DACH2: variants seen among roughly 807,000 people sequenced by gnomAD.
DACH2 encodes dachshund homolog 2.
In DACH2, 17 loss-of-function variants were observed where a neutral mutation model predicts 35.8. The observed-to-expected ratio is 0.48, with a 90% CI of 0.33 to 0.71. The LOEUF is 0.71. Among genes scored for constraint, DACH2 ranks in the 30% least tolerant of loss-of-function variants. The pLI, the probability that DACH2 is intolerant of heterozygous loss-of-function variation, is 0.02. For synonymous variants in DACH2, 195 were observed against 177.3 expected (o/e 1.10, Z -0.79); for missense variants, 469 against 472.7 (o/e 0.99, Z 0.07).
chrX:86,501,784 G>C (rs889686646), intron 2 of DACH2, among the ~76,000 whole-genome samples: 6 of 111,479 alleles, frequency 5.4e-5, no homozygotes, highest in African/African-American at 1.3e-4. Context: ...TCTAAATTTA[G>C]ATTGTAAAAA....
chrX:86,189,228 C>A (rs1173198407), intron 1 of DACH2, among the ~76,000 whole-genome samples: 1 of 111,547 alleles, frequency 9.0e-6, no homozygotes, highest in African/African-American at 3.3e-5. Context: ...AGTTAGTAGT[C>A]CTTAGAAAAT....
intron 1 of DACH2, among the ~76,000 whole-genome samples, chrX:86,202,461 G>A (rs2147903611): frequency 9.0e-6 from 1 of 111,502 alleles, no homozygotes; most frequent in African/African-American, 3.2e-5. Context: ...GGAAAGGAAG[G>A]GGATTCTAAG....
intron 3 of DACH2, among the ~76,000 whole-genome samples, chrX:86,554,548 G>T (rs1259691919): frequency 9.0e-6 from 1 of 111,429 alleles, no homozygotes; most frequent in Admixed American, 9.6e-5. Context: ...GATGGATTAG[G>T]ATGCAGCTGG....
At position 86,726,782 on chromosome X, in the gene DACH2, A is replaced by T. The variant is rs2041474446; in HGVS notation, c.1104+12062A>T. Reference sequence around the variant, plus strand: ...AGCCAAGATTGCTAAAGTCTGTTGCAGGAGTGTGGAGTCCTGGGAGCTTCT... The same window carrying T: ...AGCCAAGATTGCTAAAGTCTGTTGCTGGAGTGTGGAGTCCTGGGAGCTTCT... On this transcript the variant is annotated intron_variant, in intron 6 of 11. Transcript: ENST00000373125. 6.3e-5 allele frequency among the ~76,000 whole-genome samples: 7 copies of T among 111,983 alleles called. No homozygotes were observed. The Admixed American group carries it at 6.6e-4, about 11-fold the overall frequency.
chrX:86,552,305 G>T (rs1384397481), intron 3 of DACH2, among the ~76,000 whole-genome samples: 2 of 111,802 alleles, frequency 1.8e-5, no homozygotes, highest in African/African-American at 3.2e-5. Context: ...TGGAGGCATT[G>T]TTGCACCAAA....
intron 1 of DACH2, among the ~76,000 whole-genome samples, chrX:86,321,697 T>C (rs149127017): frequency 2.9e-3 from 320 of 111,812 alleles, no homozygotes; most frequent in Non-Finnish European, 4.7e-3. Flanking sequence ...TCTCTGAACT[T>C]TTCTGCTGCT....
chrX:86,236,649 T>C (rs1462197464), intron 1 of DACH2, among the ~76,000 whole-genome samples: 1 of 112,011 alleles, frequency 8.9e-6, no homozygotes, highest in Non-Finnish European at 1.9e-5. Flanking sequence ...ATGCTATTTG[T>C]GAATTTGAAC....
intron 7 of DACH2, among the ~76,000 whole-genome samples, chrX:86,759,298 T>A (rs914070215): frequency 4.5e-5 from 5 of 112,069 alleles, no homozygotes; most frequent in African/African-American, 1.6e-4. Context: ...TTCTCTGGTA[T>A]TGGTTGCATA....
intron 1 of DACH2, among the ~76,000 whole-genome samples, chrX:86,342,604 C>G (rs897019836): frequency 9.1e-6 from 1 of 109,432 alleles, no homozygotes; most frequent in East Asian, 2.9e-4. Flanking sequence ...GTAAAGAATT[C>G]GAGACCAGCT....
intron 2 of DACH2, among the ~76,000 whole-genome samples, chrX:86,415,625 C>T (rs1407179778): frequency 1.8e-5 from 2 of 111,229 alleles, no homozygotes; most frequent in Non-Finnish European, 3.8e-5. Context: ...CTTGGTACTG[C>T]AATTCAATTT....
chrX:86,442,364 T>A (rs1445869064), intron 2 of DACH2, among the ~76,000 whole-genome samples: 1 of 101,510 alleles, frequency 9.9e-6, no homozygotes, highest in Non-Finnish European at 2.0e-5. Flanking sequence ...TTTGTGTGTG[T>A]GTGTGTGTGT....
chrX:86,460,612 T>C (rs1391391532), intron 2 of DACH2, among the ~76,000 whole-genome samples: 2 of 111,066 alleles, frequency 1.8e-5, no homozygotes, highest in Non-Finnish European at 3.8e-5. Flanking sequence ...AGGTCTAAAA[T>C]TTTTAGATTA....
chrX:86,667,598 AAGAAAGAAAGAAAGAAAGGC>A, intron 4 of DACH2, among the ~76,000 whole-genome samples: 1 of 104,279 alleles, frequency 9.6e-6, no homozygotes, highest in African/African-American at 3.8e-5. Flanking sequence ...GAAAGAAAGA[AAGAAAGAAAGAAAGAAAGGC>A]AGGCAGGCCC....
chrX:86,831,993 T>A, intron 11 of DACH2, 113 bp from the exon 12 acceptor site: 1 of 461,151 alleles, frequency 2.2e-6, no homozygotes, highest in Non-Finnish European at 3.6e-6. Flanking sequence ...AACACTAAAT[T>A]GAGCCTGTTA....
intron 7 of DACH2, among the ~76,000 whole-genome samples, chrX:86,780,769 A>G (rs1259401512): frequency 2.7e-5 from 3 of 111,661 alleles, no homozygotes; most frequent in Non-Finnish European, 5.6e-5. Flanking sequence ...CTAGGTGTCC[A>G]CCAGGACTTT....
chrX:86,204,236 G>A (rs1031732438), intron 1 of DACH2, among the ~76,000 whole-genome samples: 4 of 111,789 alleles, frequency 3.6e-5, no homozygotes, highest in African/African-American at 1.3e-4. Flanking sequence ...TCAGAACCTA[G>A]AACCATGTCT....
intron 4 of DACH2, among the ~76,000 whole-genome samples, chrX:86,684,070 A>C (rs771482676): frequency 9.0e-6 from 1 of 111,357 alleles, no homozygotes; most frequent in Admixed American, 9.7e-5. Flanking sequence ...AAGTAAGATC[A>C]CTTTAACCTC....
chrX:86,698,175 TAG>T (rs2041089113), intron 5 of DACH2, among the ~76,000 whole-genome samples: 2 of 110,982 alleles, frequency 1.8e-5, no homozygotes, highest in African/African-American at 3.3e-5. Flanking sequence ...ATGAAATATT[TAG>T]AGTGTTGAAA....
chrX:86,601,880 A>G (rs6623732), intron 3 of DACH2, among the ~76,000 whole-genome samples: 16,537 of 111,674 alleles, frequency 0.15, 1,040 homozygotes, highest in South Asian at 0.36. Context: ...GGGATACTGC[A>G]GTACAATTTA....
Sources: gnomAD v4.1 joint callset for allele counts (sites outside exome capture counted in the v4.1 genomes callset) on GRCh38, gnomAD v4.1.1 for gene constraint, MANE v1.5 for transcripts, NCBI Gene and HGNC (gene_info 2026-07-23, HGNC 2026-07-21) for gene names.